The following MFGE8 variants were observed in gnomAD, a reference collection of about 807,000 sequenced individuals.
The protein encoded by MFGE8 is lactadherin.
In MFGE8, 34 loss-of-function variants were observed where a neutral mutation model predicts 42.6. That is an observed-to-expected ratio of 0.80 (90% CI 0.61 to 1.06). The LOEUF (loss-of-function observed/expected upper bound fraction) is 1.06. Among genes scored for constraint, MFGE8 ranks in the 50% least tolerant of loss-of-function variants. MFGE8 has a pLI of 0.00. For missense variants in MFGE8, 510 were observed against 516.9 expected, an observed-to-expected ratio of 0.99 and a Z score of 0.13; for synonymous variants, 230 against 214.8, an observed-to-expected ratio of 1.07 and a Z score of -0.62.
Position 88,913,228 on chromosome 15 carries a change from G to A in MFGE8, c.73+19C>T. ...CGGGGAGGAGGGGCGAGGGGCAGAGGGCGGCGCGATCCACTCACCCAGGGC... is the reference window on the plus strand; with the variant it reads ...CGGGGAGGAGGGGCGAGGGGCAGAGAGCGGCGCGATCCACTCACCCAGGGC... On this transcript the variant is annotated intron_variant, in intron 1 of 7. Transcript: ENST00000268150. 6.7e-7 allele frequency: 1 copy of A among 1,500,778 alleles called. No individual in the cohort carries two copies. Among genetic ancestry groups the A allele is most frequent in the Non-Finnish European group, 8.8e-7 (1 of 1,131,668 alleles). The allele number at this position is 1,500,778 out of a possible 1,614,324, so 93.0% of individuals were successfully genotyped here. A position where few individuals can be genotyped will look rare whatever the true frequency, so the allele number is the denominator to read the frequency against.
Position 88,898,987 on chromosome 15 carries a change from C to T in MFGE8, c.*408G>A, listed in dbSNP as rs1802944. On this transcript the variant is annotated 3_prime_UTR_variant, in exon 8 of 8. Transcript: ENST00000268150. ...CAAGAGGCTGTTATCTCCAGCCTGGCGCTTCCGGGCCTTTCTTGAGGCCAC... is the reference window on the plus strand; with the variant it reads ...CAAGAGGCTGTTATCTCCAGCCTGGTGCTTCCGGGCCTTTCTTGAGGCCAC... 7.2e-6 allele frequency: 2 copies of T among 277,286 alleles called. No homozygotes were observed. Among genetic ancestry groups the T allele is most frequent in the South Asian group, 4.2e-5 (1 of 23,598 alleles). The allele number at this position is 277,286 out of a possible 1,614,324, so 17.2% of individuals were successfully genotyped here.
rs1302033847 is a variant in MFGE8, at chr15:88,906,742, C to T, written c.424G>A (p.Val142Met). The change falls in exon 4 of 8, where the codon GTG (valine) becomes ATG (methionine). Residue 142 changes from valine to methionine, a missense_variant. Physicochemically the swap from Val to Met is conservative, Grantham distance 21. Transcript: ENST00000268150. This position sits in a 1 kb window ranked among gnomAD's most constrained non-coding sequence, Gnocchi z 4.2. ...GCCAAGCGGCTGGCACCCTGCGTCA[C>T]CACACCTGTTACCCACATCCTCCGC... is the stretch of plus-strand genomic sequence containing the variant. ...LLRRMWVTGV[V>M]TQGASRLASH... is the part of the protein sequence containing the mutation. The T allele has an allele frequency of 2.5e-6, 4 of 1,613,446 alleles. No individual in the cohort carries two copies. In the Admixed American group the frequency reaches 6.7e-5, roughly 27 times the overall value.
At position 88,905,136 on chromosome 15, in the gene MFGE8, C is replaced by T. The variant is rs1898608160; in HGVS notation, c.685+621G>A. On this transcript the variant is annotated intron_variant, in intron 5 of 7. Transcript: ENST00000268150. This position sits in a 1 kb window ranked among gnomAD's most constrained non-coding sequence, Gnocchi z 6.6. ...CTTTGGAAAAGGCAGCAGGAAGCAC[C>T]AGCTCCAAGCCCTGTGGTCCAAGAA... Among the ~76,000 whole-genome samples the T allele has an allele frequency of 6.6e-6, 1 of 152,190 alleles. No individual in the cohort carries two copies. The highest frequency in any genetic ancestry group is 1.5e-5 in the Non-Finnish European group (1 of 68,038).
At chr15:88,901,175 T>C (rs28641569) in intron 6 of MFGE8, among the ~76,000 whole-genome samples, 1 of 63,406 alleles carries the variant, frequency 1.6e-5, no homozygotes, top group Non-Finnish European at 4.0e-5. Flanking sequence ...ACACACATTC[T>C]CACACATTCA....
rs763149520 is a variant in MFGE8, at chr15:88,909,840, A to G, written c.157T>C (p.Tyr53His). 1.2e-6 allele frequency: 2 copies of G among 1,614,234 alleles called. No homozygotes were observed. Among genetic ancestry groups the G allele is most frequent in the Non-Finnish European group, 1.7e-6 (2 of 1,180,030 alleles). Residue 53 changes from tyrosine to histidine, a missense_variant, in exon 2 of 8, where the codon TAC (tyrosine) becomes CAC (histidine). By Grantham distance (83) the Tyr-to-His change is moderately conservative. Coordinates refer to ENST00000268150, the MANE Select transcript of MFGE8 (RefSeq NM_005928.4). Reference sequence around the variant, plus strand: ...TAGCCCTTAAGGCACGTGCAGGTGTACGAGGGGAAGACATCTCCTCGCACT... The same window carrying G: ...TAGCCCTTAAGGCACGTGCAGGTGTGCGAGGGGAAGACATCTCCTCGCACT... ...QEVRGDVFPS[Y>H]TCTCLKGYAG... is the part of the protein sequence containing the mutation.
At position 88,899,506 on chromosome 15, in the gene MFGE8, G is replaced by C. The variant is rs1354026998; in HGVS notation, c.1053C>G (p.His351Gln). Reference sequence around the variant, plus strand: ...TCTCAAACAAGTTCTTCTTGTGGGAGTGGTTGTCCCAGTTGCCAGGGAAGA... The same window carrying C: ...TCTCAAACAAGTTCTTCTTGTGGGACTGGTTGTCCCAGTTGCCAGGGAAGA... ...SKIFPGNWDN[H>Q]SHKKNLFETP... The change falls in exon 8 of 8, where the codon CAC (histidine) becomes CAG (glutamine). Residue 351 changes from histidine (H) to glutamine (Q), a missense_variant. Physicochemically the swap from His to Gln is conservative, Grantham distance 24 (BLOSUM62 0). Coordinates refer to ENST00000268150, the MANE Select transcript of MFGE8 (RefSeq NM_005928.4). The surrounding 1 kb of genome is among the most constrained non-coding windows in gnomAD (Gnocchi z 6.8). 6.2e-7 allele frequency: 1 copy of C among 1,614,216 alleles called. No homozygotes were observed. The highest frequency in any genetic ancestry group is 8.5e-7 in the Non-Finnish European group (1 of 1,180,026).
chr15:88,913,067 C>A (rs913239875), intron 1 of MFGE8, 180 bp downstream of exon 1: 8 of 985,338 alleles, frequency 8.1e-6, no homozygotes, highest in Non-Finnish European at 8.4e-6. Flanking sequence ...GCAGAGACAG[C>A]AGGGCCGCAT....
At chr15:88,912,256 G>T in intron 1 of MFGE8, 1 of 1,289,684 alleles carries the variant, frequency 7.8e-7, no homozygotes, top group South Asian at 1.2e-5. Context: ...AGTTCAGGTT[G>T]GGGGGTACAG....
Position 88,906,078 on chromosome 15 carries a change from C to T in MFGE8, c.541-177G>A, listed in dbSNP as rs144956075. ...AGCCTCTCCTTTGGCCACCCCACGG[C>T]CCTCCACAAAGATTCTCCTCTCACT... On this transcript the variant is annotated intron_variant, in intron 4 of 7. Coordinates refer to ENST00000268150, the MANE Select transcript of MFGE8 (RefSeq NM_005928.4). The surrounding 1 kb of genome is among the most constrained non-coding windows in gnomAD (Gnocchi z 4.2). The T allele has an allele frequency of 9.5e-4, 653 of 687,598 alleles. 7 individuals are homozygous for T. The East Asian group carries it at 0.017, about 18-fold the overall frequency. The allele number at this position is 687,598 out of a possible 1,614,324, so 42.6% of individuals were successfully genotyped here.
Position 88,906,525 on chromosome 15 carries a change from A to T in MFGE8, c.540+101T>A. 7.2e-7 allele frequency: 1 copy of T among 1,397,216 alleles called. No homozygotes were observed. The highest frequency in any genetic ancestry group is 1.2e-5 in the South Asian group (1 of 85,848). 86.6% of individuals were successfully genotyped at this position (1,397,216 alleles called of 1,614,324 possible). A position where few individuals can be genotyped will look rare whatever the true frequency, so the allele number is the denominator to read the frequency against. ...CACCCGAAGACCCACATCATAGCCA[A>T]TCACCTAGGGTTCTCTGGACTCGCT... is the stretch of plus-strand genomic sequence containing the variant. On this transcript the variant is annotated intron_variant, in intron 4 of 7. Coordinates refer to ENST00000268150, the MANE Select transcript of MFGE8 (RefSeq NM_005928.4). This position sits in a 1 kb window ranked among gnomAD's most constrained non-coding sequence, Gnocchi z 4.2.
intron 1 of MFGE8, chr15:88,912,039 G>A: frequency 2.8e-6 from 3 of 1,079,568 alleles, no homozygotes; most frequent in South Asian, 1.3e-5. Context: ...CAACTGCACC[G>A]GCCCTCTCCC....
At position 88,899,975 on chromosome 15, in the gene MFGE8, T is replaced by C. The variant is rs1898284883; in HGVS notation, c.871-164A>G. Among the ~76,000 whole-genome samples, 1 of 152,138 alleles carries C rather than the reference T, an allele frequency of 6.6e-6. No individual in the cohort carries two copies. Among genetic ancestry groups the C allele is most frequent in the South Asian group, 2.1e-4 (1 of 4,826 alleles). On this transcript the variant is annotated intron_variant, in intron 6 of 7. Coordinates refer to ENST00000268150, the MANE Select transcript of MFGE8 (RefSeq NM_005928.4). This position sits in a 1 kb window ranked among gnomAD's most constrained non-coding sequence, Gnocchi z 6.8. Reference sequence around the variant, plus strand: ...GCATAAGGCCGGACATGGTGTCTCATGCCTATAATCCCAACACTTTGGGAG... The same window carrying C: ...GCATAAGGCCGGACATGGTGTCTCACGCCTATAATCCCAACACTTTGGGAG...
Position 88,901,291 on chromosome 15 carries a change from A to C in MFGE8, c.870+260T>G, listed in dbSNP as rs570686457. ...CGCATTCACACACACTCACATTCAC[A>C]CACATTCACACACTCACACACACAC... On this transcript the variant is annotated intron_variant, in intron 6 of 7. Transcript: ENST00000268150. Among the ~76,000 whole-genome samples the C allele has an allele frequency of 9.2e-3, 1,349 of 147,228 alleles. 77 individuals carry two copies. Among genetic ancestry groups the C allele is most frequent in the African/African-American group, 0.03 (1,218 of 40,338 alleles).
chr15:88,911,445 G>A (rs946439766), intron 1 of MFGE8, among the ~76,000 whole-genome samples: 16 of 152,256 alleles, frequency 1.1e-4, no homozygotes, highest in Middle Eastern at 3.4e-3. Flanking sequence ...TGCCTTGGCC[G>A]GGCATGGTGG....
intron 1 of MFGE8, chr15:88,912,444 C>A: frequency 5.1e-6 from 5 of 985,362 alleles, no homozygotes; most frequent in Non-Finnish European, 6.0e-6. Context: ...TCAGTCAATC[C>A]CATTTCTATG....
chr15:88,899,760 G>A lies in MFGE8; in HGVS notation c.922C>T (p.Arg308Cys), dbSNP rs150914740. 1.1e-5 allele frequency: 17 copies of A among 1,613,978 alleles called. No individual in the cohort carries two copies. The highest frequency in any genetic ancestry group is 2.7e-5 in the African/African-American group (2 of 74,914). The change falls in exon 7 of 8, where the codon CGT becomes TGT. Residue 308 changes from arginine (R) to cysteine (C), a missense_variant. By Grantham distance (180) the Arg-to-Cys change is radical (BLOSUM62 -3). Coordinates refer to ENST00000268150, the MANE Select transcript of MFGE8 (RefSeq NM_005928.4). This position sits in a 1 kb window ranked among gnomAD's most constrained non-coding sequence, Gnocchi z 6.8. The stretch of plus-strand genomic sequence containing the variant: ...ACAAACTGGACAGAGCCAAAGTTAC[G>A]GGCCCCCTGGGTGATGATGCCTGTC... ...EVTGIITQGA[R>C]NFGSVQFVAS...
At position 88,899,537 on chromosome 15, in the gene MFGE8, A is replaced by G; in HGVS notation, c.1027-5T>C. On this transcript the variant is annotated splice_region_variant and splice_polypyrimidine_tract_variant and intron_variant, in intron 7 of 7. Coordinates refer to ENST00000268150, the MANE Select transcript of MFGE8 (RefSeq NM_005928.4). This position sits in a 1 kb window ranked among gnomAD's most constrained non-coding sequence, Gnocchi z 6.8. Reference sequence around the variant, plus strand: ...GTCCCAGTTGCCAGGGAAGATCTAGAGGCAGAGCGGGTGTCAGGAGGACCC... The same window carrying G: ...GTCCCAGTTGCCAGGGAAGATCTAGGGGCAGAGCGGGTGTCAGGAGGACCC... 6.2e-7 allele frequency: 1 copy of G among 1,614,168 alleles called. No homozygotes were observed. The highest frequency in any genetic ancestry group is 1.1e-5 in the South Asian group (1 of 91,074).
chr15:88,900,858 T>C (rs1328007484), intron 6 of MFGE8: 26 of 606,222 alleles, frequency 4.3e-5, no homozygotes, highest in Non-Finnish European at 5.4e-5. Context: ...CCAAGATGCC[T>C]GGGTCATGTC....
intron 2 of MFGE8, 90 bp from the exon 3 acceptor site, chr15:88,907,466 G>A (rs1424964890): frequency 8.4e-7 from 1 of 1,188,100 alleles, no homozygotes; most frequent in East Asian, 2.4e-5. Context: ...AAGACTGTAT[G>A]ACCTCTGCCT....
Sources: gnomAD v4.1 joint callset for allele counts (sites outside exome capture counted in the v4.1 genomes callset) on GRCh38, gnomAD v4.1.1 for gene constraint, Gnocchi (gnomAD v3.1) non-coding constraint, MANE v1.5 for transcripts, NCBI Gene and HGNC (gene_info 2026-07-23, HGNC 2026-07-21) for gene names.